The following SELENOT variants were observed in gnomAD, a reference collection of about 807,000 sequenced individuals.
The protein encoded by SELENOT is thioredoxin reductase-like selenoprotein T.
In SELENOT, 9 loss-of-function variants were observed where a neutral mutation model predicts 24.3. The observed-to-expected ratio is 0.37, with a 90% CI of 0.22 to 0.65. The LOEUF (loss-of-function observed/expected upper bound fraction) is 0.65. Ranked by LOEUF, SELENOT falls within the 30% of genes least tolerant of loss-of-function variation. The pLI is 0.60. For synonymous variants in SELENOT, 81 were observed against 86.0 expected (o/e 0.94, Z 0.32); for missense variants, 166 against 247.6 (o/e 0.67, Z 2.21).
In SELENOT at chr3:150,624,942, ATTT is replaced by A. The variant is rs1726409948; in HGVS notation, c.463+44_463+46del. ...TGCATTTTGTGATTGATTTTAAATG[ATTT>A]ATAATGAGTATCAAGCTTTTATCTT... On this transcript the variant is annotated intron_variant, in intron 4 of 5. Coordinates refer to ENST00000471696, the MANE Select transcript of SELENOT (RefSeq NM_016275.5). The A allele has an allele frequency of 3.8e-6, 4 of 1,054,548 alleles. No homozygotes were observed. The African/African-American group carries it at 6.5e-5, about 17-fold the overall frequency. The allele number at this position is 1,054,548 out of a possible 1,614,324, so 65.3% of individuals were successfully genotyped here. A position where few individuals can be genotyped will look rare whatever the true frequency, so the allele number is the denominator to read the frequency against.
intron 1 of SELENOT, among the ~76,000 whole-genome samples, chr3:150,612,571 C>T (rs1246409024): frequency 6.6e-6 from 1 of 152,166 alleles, no homozygotes; most frequent in Non-Finnish European, 1.5e-5. Flanking sequence ...TCTATTTGCT[C>T]AATTATAAAG....
intron 1 of SELENOT, chr3:150,611,588 A>G (rs1452073802): frequency 2.8e-5 from 37 of 1,304,464 alleles, no homozygotes; most frequent in Non-Finnish European, 3.3e-6. Flanking sequence ...TGATAATCAC[A>G]TATGTAAAGA....
intron 2 of SELENOT, 68 bp downstream of exon 2, chr3:150,622,563 T>C: frequency 1.5e-6 from 1 of 654,832 alleles, no homozygotes; most frequent in Non-Finnish European, 2.4e-6. Flanking sequence ...TGAATTGGTT[T>C]AATTAGCTGT....
chr3:150,611,468 G>A (rs879397675), intron 1 of SELENOT: 10 of 1,186,948 alleles, frequency 8.4e-6, no homozygotes, highest in Middle Eastern at 2.5e-4. Context: ...ACTTGTAATT[G>A]GTATAAATCA....
intron 1 of SELENOT, among the ~76,000 whole-genome samples, chr3:150,619,926 A>C (rs1399698505): frequency 6.6e-6 from 1 of 152,246 alleles, no homozygotes; most frequent in Admixed American, 6.5e-5. Flanking sequence ...AGGAATATGC[A>C]TAAGTAAACT....
chr3:150,612,015 A>T, intron 1 of SELENOT: 2 of 507,356 alleles, frequency 3.9e-6, no homozygotes, highest in Non-Finnish European at 6.9e-6. Flanking sequence ...GCGCCGAAAC[A>T]GTGGACAGTG....
chr3:150,627,926 T>G lies in SELENOT; in HGVS notation c.*297T>G, dbSNP rs1726479011. On this transcript the variant is annotated 3_prime_UTR_variant, in exon 6 of 6. Transcript: ENST00000471696. ...GTTTTTTTTTTAAGGTAAACATTACTACTTGTAACTTTTTTTCTTAGTCAT... is the reference window on the plus strand; with the variant it reads ...GTTTTTTTTTTAAGGTAAACATTACGACTTGTAACTTTTTTTCTTAGTCAT... 6.6e-6 allele frequency: 1 copy of G among 152,202 alleles called. No individual in the cohort carries two copies. The highest frequency in any genetic ancestry group is 6.5e-5 in the Admixed American group (1 of 15,280). The allele number at this position is 152,202 out of a possible 1,614,324, so 9.4% of individuals were successfully genotyped here.
chr3:150,625,687 A>G (rs556145412), intron 4 of SELENOT, among the ~76,000 whole-genome samples: 16 of 152,280 alleles, frequency 1.1e-4, no homozygotes, highest in African/African-American at 3.8e-4. Context: ...ATGAAATTCC[A>G]ACTTCTGTGC....
At chr3:150,607,823 G>C (rs1481448756) in intron 1 of SELENOT, among the ~76,000 whole-genome samples, 1 of 152,182 alleles carries the variant, frequency 6.6e-6, no homozygotes, top group African/African-American at 2.4e-5. Flanking sequence ...AGAAGGTGCC[G>C]TTAAGAGCTT....
At chr3:150,608,158 A>G (rs912634083) in intron 1 of SELENOT, among the ~76,000 whole-genome samples, 3 of 152,230 alleles carry the variant, frequency 2.0e-5, no homozygotes, top group Non-Finnish European at 4.4e-5. Flanking sequence ...TAATTAAAAT[A>G]AACAAGTATT....
At chr3:150,622,062 A>G (rs1237425617) in intron 1 of SELENOT, among the ~76,000 whole-genome samples, 1 of 151,896 alleles carries the variant, frequency 6.6e-6, no homozygotes, top group Admixed American at 6.6e-5. Flanking sequence ...CTGAATGTGA[A>G]TAGGTATTTG....
chr3:150,608,728 T>TA (rs1726024327), intron 1 of SELENOT, among the ~76,000 whole-genome samples: 1 of 152,102 alleles, frequency 6.6e-6, no homozygotes, highest in Non-Finnish European at 1.5e-5. Context: ...GTGTTACCAT[T>TA]AAAAAAATAG....
intron 1 of SELENOT, among the ~76,000 whole-genome samples, chr3:150,607,045 G>A (rs1725982458): frequency 6.6e-6 from 1 of 152,214 alleles, no homozygotes; most frequent in Non-Finnish European, 1.5e-5. Context: ...GCAGTTTAAA[G>A]AGATTATTGG....
chr3:150,608,167 T>G (rs945598324), intron 1 of SELENOT, among the ~76,000 whole-genome samples: 2 of 152,158 alleles, frequency 1.3e-5, no homozygotes, highest in African/African-American at 2.4e-5. Flanking sequence ...TAAACAAGTA[T>G]TATGAATGTT....
intron 1 of SELENOT, among the ~76,000 whole-genome samples, chr3:150,605,630 C>T (rs573696860): frequency 7.0e-6 from 1 of 143,874 alleles, no homozygotes; most frequent in Admixed American, 6.9e-5. Flanking sequence ...CACTATCCAC[C>T]GGAGATCATT....
chr3:150,606,332 C>T (rs984744015), intron 1 of SELENOT, among the ~76,000 whole-genome samples: 1 of 149,348 alleles, frequency 6.7e-6, no homozygotes, highest in Non-Finnish European at 1.5e-5. Context: ...TTGTAGAGAC[C>T]TGGTCTTGCC....
At chr3:150,615,594 T>C (rs1410217046) in intron 1 of SELENOT, among the ~76,000 whole-genome samples, 4 of 152,176 alleles carry the variant, frequency 2.6e-5, no homozygotes, top group Admixed American at 2.6e-4. Flanking sequence ...GAACTCCCAT[T>C]CACAATTGCT....
chr3:150,627,195 G>A (rs1266208234), intron 5 of SELENOT, 32 bp downstream of exon 5: 6 of 1,497,266 alleles, frequency 4.0e-6, no homozygotes, highest in Non-Finnish European at 5.4e-6. Context: ...TAATGTATAG[G>A]TTTCTGTTGA....
chr3:150,607,307 A>G (rs967061917), intron 1 of SELENOT, among the ~76,000 whole-genome samples: 2 of 152,248 alleles, frequency 1.3e-5, no homozygotes, highest in South Asian at 2.1e-4. Context: ...CTTGGCTTTC[A>G]TAGTGTGACA....
Sources: allele counts gnomAD v4.1 joint callset (sites outside exome capture counted in the v4.1 genomes callset), GRCh38; gene constraint gnomAD v4.1.1; transcripts MANE v1.5; gene names NCBI Gene and HGNC (gene_info 2026-07-23, HGNC 2026-07-21).